MTUS2: variants seen among roughly 807,000 people sequenced by gnomAD.
MTUS2 encodes the protein microtubule associated scaffold protein 2, also known as microtubule-associated tumor suppressor candidate 2.
MTUS2 carries 40 observed loss-of-function variants against 114.1 expected under a neutral mutation model. The ratio of observed to expected loss-of-function variants is 0.35; its 90% CI spans 0.27 to 0.46. MTUS2 has a LOEUF of 0.46. MTUS2 is among the 20% of genes least tolerant of loss of function. The probability of loss-of-function intolerance (pLI) is 1.00; values close to 1 mark genes in which losing one functional copy is unlikely to be tolerated. For synonymous variants in MTUS2, 688 were observed against 672.0 expected, an observed-to-expected ratio of 1.02 and a Z score of -0.37; for missense variants, 1,679 against 1,705.4, an observed-to-expected ratio of 0.98 and a Z score of 0.27.
At chr13:29,261,010 A>T (rs1050709992) in intron 5 of MTUS2, among the ~76,000 whole-genome samples, 3 of 152,198 alleles carry the variant, frequency 2.0e-5, no homozygotes, top group Non-Finnish European at 4.4e-5. Flanking sequence ...CTAAAGGGAA[A>T]GAGTCCTCCA....
At chr13:29,347,738 C>G (rs1428198714) in intron 7 of MTUS2, among the ~76,000 whole-genome samples, 1 of 152,214 alleles carries the variant, frequency 6.6e-6, no homozygotes, top group Non-Finnish European at 1.5e-5. Flanking sequence ...TAGGTGCCAA[C>G]TACAAGTAGT....
chr13:29,201,536 T>C (rs967641721), intron 5 of MTUS2, among the ~76,000 whole-genome samples: 1 of 152,206 alleles, frequency 6.6e-6, no homozygotes, highest in Admixed American at 6.5e-5. Context: ...ATGTGTGAAT[T>C]TGATCCTGTC....
intron 2 of MTUS2, among the ~76,000 whole-genome samples, chr13:29,003,330 G>A (rs1385305527): frequency 6.6e-6 from 1 of 152,196 alleles, no homozygotes. Flanking sequence ...ACCAGCTCAA[G>A]TGCATCCAGC....
intron 3 of MTUS2, among the ~76,000 whole-genome samples, chr13:29,030,284 A>G (rs1886755680): frequency 6.6e-6 from 1 of 152,192 alleles, no homozygotes; most frequent in East Asian, 1.9e-4. Context: ...GAGAGACCCC[A>G]CTGGTGTGGA....
At chr13:29,157,802 A>G (rs1171586638) in intron 5 of MTUS2, among the ~76,000 whole-genome samples, 4 of 151,006 alleles carry the variant, frequency 2.6e-5, no homozygotes, top group African/African-American at 4.8e-5. Flanking sequence ...ATAGATAGAT[A>G]TAGATACAGA....
At chr13:28,829,820 C>G (rs1465369278) in intron 1 of MTUS2, among the ~76,000 whole-genome samples, 1 of 152,180 alleles carries the variant, frequency 6.6e-6, no homozygotes, top group Non-Finnish European at 1.5e-5. Flanking sequence ...AAGGAGCTAC[C>G]TATGGGGGCT....
intron 9 of MTUS2, among the ~76,000 whole-genome samples, chr13:29,451,238 T>C (rs904409757): frequency 6.6e-6 from 1 of 152,060 alleles, no homozygotes; most frequent in African/African-American, 2.4e-5. Flanking sequence ...GTATACAAAA[T>C]GTTTTGAACT....
At chr13:28,907,809 CTT>C (rs1378949040) in intron 2 of MTUS2, among the ~76,000 whole-genome samples, 1 of 151,508 alleles carries the variant, frequency 6.6e-6, no homozygotes, top group East Asian at 1.9e-4. Context: ...TAATGGGAGA[CTT>C]TAACACCCCA....
intron 8 of MTUS2, among the ~76,000 whole-genome samples, chr13:29,360,718 CA>C (rs753526774): frequency 2.6e-5 from 3 of 114,272 alleles, no homozygotes; most frequent in Non-Finnish European, 5.1e-5. Context: ...ATTAAAGTTA[CA>C]AACACGTCTT....
intron 3 of MTUS2, among the ~76,000 whole-genome samples, chr13:29,030,039 T>C (rs1886745179): frequency 6.6e-6 from 1 of 152,194 alleles, no homozygotes; most frequent in Admixed American, 6.5e-5. Flanking sequence ...GGAAATTGAT[T>C]TGGATATGTA....
intron 2 of MTUS2, among the ~76,000 whole-genome samples, chr13:29,002,805 C>T (rs888655571): frequency 6.6e-6 from 1 of 152,196 alleles, no homozygotes; most frequent in Admixed American, 6.5e-5. Context: ...TACAAGCTCC[C>T]TCTTGACATA....
chr13:28,986,106 T>C (rs1322292982), intron 2 of MTUS2, among the ~76,000 whole-genome samples: 1 of 151,346 alleles, frequency 6.6e-6, no homozygotes, highest in African/African-American at 2.4e-5. Flanking sequence ...CCTTTAAGAG[T>C]GTGAGAAGTT....
chr13:29,167,292 G>A (rs989385833), intron 5 of MTUS2, among the ~76,000 whole-genome samples: 9 of 151,892 alleles, frequency 5.9e-5, no homozygotes, highest in East Asian at 1.9e-4. Context: ...GGAGAATGGC[G>A]TGAACCTGGG....
chr13:29,384,980 A>G (rs531837670), intron 8 of MTUS2, among the ~76,000 whole-genome samples: 12 of 152,208 alleles, frequency 7.9e-5, no homozygotes, highest in East Asian at 7.7e-4. Flanking sequence ...TTGGGATGCA[A>G]TTTTAATCCT....
chr13:29,470,058 A>G (rs1436703117), intron 9 of MTUS2, among the ~76,000 whole-genome samples: 2 of 152,054 alleles, frequency 1.3e-5, no homozygotes, highest in South Asian at 2.1e-4. Context: ...AATGCCCAAA[A>G]TGCCCTTCAC....
chr13:29,002,088 A>G (rs2138386194), intron 2 of MTUS2, among the ~76,000 whole-genome samples: 2 of 152,310 alleles, frequency 1.3e-5, no homozygotes, highest in Middle Eastern at 3.4e-3. Flanking sequence ...CCAGAACTGC[A>G]AGATAATAAA....
chr13:28,960,425 A>G (rs1355016979), intron 2 of MTUS2, among the ~76,000 whole-genome samples: 4 of 152,346 alleles, frequency 2.6e-5, no homozygotes, highest in East Asian at 1.9e-4. Flanking sequence ...AAAAATTTGT[A>G]CACAGATGTT....
intron 9 of MTUS2, among the ~76,000 whole-genome samples, chr13:29,459,784 C>T (rs927796306): frequency 1.3e-5 from 2 of 152,152 alleles, no homozygotes; most frequent in Admixed American, 1.3e-4. Context: ...AGAATTCAGG[C>T]TTTTTAGCAC....
At chr13:29,486,527 A>G (rs1353347840) in intron 10 of MTUS2, among the ~76,000 whole-genome samples, 1 of 152,212 alleles carries the variant, frequency 6.6e-6, no homozygotes, top group African/African-American at 2.4e-5. Flanking sequence ...GCTGAATATG[A>G]CCAGCTAGAA....
Sources: allele counts gnomAD v4.1 joint callset (sites outside exome capture counted in the v4.1 genomes callset), GRCh38; gene constraint gnomAD v4.1.1; transcripts MANE v1.5; gene names NCBI Gene and HGNC (gene_info 2026-07-23, HGNC 2026-07-21).